Variants in VAMP5 observed in about 807,000 individuals in gnomAD.
VAMP5 encodes vesicle associated membrane protein 5, also known as vesicle-associated membrane protein 5.
Under a neutral mutation model 8.1 loss-of-function variants are expected in VAMP5, and 10 were observed. The observed-to-expected ratio is 1.23, with a 90% CI of 0.76 to 2.09. VAMP5 has a LOEUF of 2.09. Among genes scored for constraint, VAMP5 ranks in the 30% most tolerant of loss-of-function variants. VAMP5 has a pLI of 0.00. For synonymous variants in VAMP5, 62 were observed against 60.6 expected, an observed-to-expected ratio of 1.02 and a Z score of -0.11; for missense variants, 135 against 152.5, an observed-to-expected ratio of 0.89 and a Z score of 0.60.
chr2:85,584,889 T>C (rs1201604674), intron 1 of VAMP5, among the ~76,000 whole-genome samples: 2 of 152,192 alleles, frequency 1.3e-5, no homozygotes, highest in Admixed American at 1.3e-4. Flanking sequence ...ACCTGCCTTG[T>C]TGGGTCCTTG....
chr2:85,584,599 C>A, intron 1 of VAMP5, 106 bp downstream of exon 1: 1 of 1,207,918 alleles, frequency 8.3e-7, no homozygotes, highest in Non-Finnish European at 1.0e-6. Flanking sequence ...CCCCTGGGGC[C>A]CACGAGGGCC....
intron 1 of VAMP5, among the ~76,000 whole-genome samples, chr2:85,587,893 G>C (rs1383392289): frequency 2.0e-5 from 3 of 152,186 alleles, no homozygotes; most frequent in Non-Finnish European, 4.4e-5. Context: ...ACCGGTACTT[G>C]CGCCCATTCA....
At chr2:85,591,895 G>C (rs1672545256) in intron 2 of VAMP5, 33 bp downstream of exon 2, 2 of 1,612,970 alleles carry the variant, frequency 1.2e-6, no homozygotes, top group Non-Finnish European at 1.7e-6. Flanking sequence ...GAGGGGAGGG[G>C]AGAGGATTGG....
rs14976 is a variant in VAMP5, at chr2:85,591,763, C to T, written c.42C>T (p.Asn14=). The T allele has an allele frequency of 0.27, 440,989 of 1,613,960 alleles. 63,073 individuals are homozygous for T. The highest frequency in any genetic ancestry group is 0.3 in the Non-Finnish European group (354,292 of 1,179,976). The change falls in exon 2 of 3, where the codon AAC becomes AAT. Residue 14 remains asparagine (N), a synonymous_variant. Transcript: ENST00000306384. ...TGGAGCGGTGCCAGCAGCAGGCGAA[C>T]GAGGTGACGGAAATTATGCGTAACA... The part of the protein sequence containing the change: ...IELERCQQQA[N]EVTEIMRNNF...
At position 85,587,210 on chromosome 2, in the gene VAMP5, G is replaced by T. The variant is rs189824493; in HGVS notation, c.3+2717G>T. 1.4e-4 allele frequency among the ~76,000 whole-genome samples: 21 copies of T among 152,162 alleles called. No homozygotes were observed. The East Asian group carries it at 3.1e-3, about 22-fold the overall frequency. Reference sequence around the variant, plus strand: ...TTTGCCATAGGGAAGAGCTTGCTTGGCTGTGCATTTTATAAAACGAAGAGG... The same window carrying T: ...TTTGCCATAGGGAAGAGCTTGCTTGTCTGTGCATTTTATAAAACGAAGAGG... On this transcript the variant is annotated intron_variant, in intron 1 of 2. Transcript: ENST00000306384.
chr2:85,587,407 C>T (rs1268445857), intron 1 of VAMP5, among the ~76,000 whole-genome samples: 1 of 152,004 alleles, frequency 6.6e-6, no homozygotes, highest in South Asian at 2.1e-4. Flanking sequence ...GTGCCCGCCA[C>T]CACGCCTGGC....
intron 1 of VAMP5, among the ~76,000 whole-genome samples, chr2:85,588,478 C>G (rs544726260): frequency 6.6e-6 from 1 of 152,188 alleles, no homozygotes; most frequent in African/African-American, 2.4e-5. Flanking sequence ...CTCAGAAATG[C>G]CTGTCTCACC....
At position 85,593,259 on chromosome 2, in the gene VAMP5, C is replaced by A; in HGVS notation, c.*102C>A. The A allele has an allele frequency of 1.6e-6, 2 of 1,256,960 alleles. No homozygotes were observed. The highest frequency in any genetic ancestry group is 2.2e-6 in the Non-Finnish European group (2 of 890,118). 77.9% of individuals were successfully genotyped at this position (1,256,960 alleles called of 1,614,324 possible). ...TCCCTTGACCCACCCCAGTGAGTGC[C>A]AAAGGGCAGCCCCAACATGTGCACC... On this transcript the variant is annotated 3_prime_UTR_variant, in exon 3 of 3. Transcript: ENST00000306384.
intron 1 of VAMP5, among the ~76,000 whole-genome samples, chr2:85,586,218 T>C (rs1672457569): frequency 6.6e-6 from 1 of 152,196 alleles, no homozygotes; most frequent in Non-Finnish European, 1.5e-5. Flanking sequence ...CTCCCAGATC[T>C]TCTACTCACT....
intron 1 of VAMP5, 146 bp from the exon 2 acceptor site, chr2:85,591,579 C>G (rs1160508014): frequency 8.0e-7 from 1 of 1,253,824 alleles, no homozygotes; most frequent in African/African-American, 1.5e-5. Flanking sequence ...ACCTTCACTC[C>G]GCACACATCA....
At chr2:85,588,975 G>A (rs1672502455) in intron 1 of VAMP5, among the ~76,000 whole-genome samples, 1 of 152,140 alleles carries the variant, frequency 6.6e-6, no homozygotes, top group Admixed American at 6.5e-5. Context: ...CCAGGGCAAA[G>A]TGGTCTCTTT....
chr2:85,590,359 C>T (rs998597960), intron 1 of VAMP5, among the ~76,000 whole-genome samples: 2 of 152,202 alleles, frequency 1.3e-5, no homozygotes, highest in Non-Finnish European at 2.9e-5. Flanking sequence ...CAATGGTCAG[C>T]ACTGTGCTGG....
At chr2:85,590,351 A>G (rs1332577463) in intron 1 of VAMP5, among the ~76,000 whole-genome samples, 1 of 152,196 alleles carries the variant, frequency 6.6e-6, no homozygotes, top group Non-Finnish European at 1.5e-5. Flanking sequence ...CTTGCTTGCA[A>G]TGGTCAGCAC....
intron 1 of VAMP5, among the ~76,000 whole-genome samples, chr2:85,586,991 C>G (rs1200140490): frequency 6.6e-6 from 1 of 151,722 alleles, no homozygotes; most frequent in African/African-American, 2.4e-5. Context: ...AGGAGAATGG[C>G]GTGAACCCAG....
At chr2:85,584,668 C>T (rs978646136) in intron 1 of VAMP5, among the ~76,000 whole-genome samples, 175 bp downstream of exon 1, 5 of 152,232 alleles carry the variant, frequency 3.3e-5, no homozygotes, top group Admixed American at 6.5e-5. Context: ...ACTCCCTGCG[C>T]GCCGCATGGG....
Position 85,584,457 on chromosome 2 carries a change from G to A in VAMP5, c.-34G>A, listed in dbSNP as rs1422675250. On this transcript the variant is annotated 5_prime_UTR_variant, in exon 1 of 3. Transcript: ENST00000306384. ...CTGCGGCCGCTCCGCAGGCAGAGAA[G>A]CCGGGAGCGGGCGAGGCGGCGGCGG... is the stretch of plus-strand genomic sequence containing the variant. 2.4e-6 allele frequency: 3 copies of A among 1,244,280 alleles called. No homozygotes were observed. Among genetic ancestry groups the A allele is most frequent in the South Asian group, 3.6e-5 (1 of 28,136 alleles). 77.1% of individuals were successfully genotyped at this position (1,244,280 alleles called of 1,614,324 possible).
intron 1 of VAMP5, among the ~76,000 whole-genome samples, chr2:85,587,407 C>G (rs1268445857): frequency 6.6e-6 from 1 of 152,004 alleles, no homozygotes. Flanking sequence ...GTGCCCGCCA[C>G]CACGCCTGGC....
chr2:85,592,555 C>A (rs908587801), intron 2 of VAMP5, among the ~76,000 whole-genome samples: 1 of 152,094 alleles, frequency 6.6e-6, no homozygotes, highest in Non-Finnish European at 1.5e-5. Flanking sequence ...GTAATCCCAA[C>A]ACTTTGGGAG....
In VAMP5 at chr2:85,589,082, C is replaced by T. The variant is rs1672503435; in HGVS notation, c.4-2643C>T. ...GGAGGACTGCTTGAGCCCAGGAGTT[C>T]AAGACCATCCTGGGCAACATAGCAA... is the stretch of plus-strand genomic sequence containing the variant. On this transcript the variant is annotated intron_variant, in intron 1 of 2. Coordinates refer to ENST00000306384, the MANE Select transcript of VAMP5 (RefSeq NM_006634.3). Among the ~76,000 whole-genome samples the T allele has an allele frequency of 1.3e-5, 2 of 152,156 alleles. 1 individual carries two copies. Among genetic ancestry groups the T allele is most frequent in the South Asian group, 4.1e-4 (2 of 4,820 alleles).
Sources: allele counts gnomAD v4.1 joint callset (sites outside exome capture counted in the v4.1 genomes callset), GRCh38; gene constraint gnomAD v4.1.1; transcripts MANE v1.5; gene names NCBI Gene and HGNC (gene_info 2026-07-23, HGNC 2026-07-21).